Variants in SKAP1 observed in about 807,000 individuals in gnomAD.
The protein encoded by SKAP1 is src kinase associated phosphoprotein 1, also known as src kinase-associated phosphoprotein 1.
Under a neutral mutation model 58.5 loss-of-function variants are expected in SKAP1, and 44 were observed. The ratio of observed to expected loss-of-function variants is 0.75; its 90% confidence interval spans 0.59 to 0.97. SKAP1 has a LOEUF of 0.97. SKAP1 is among the 50% of genes least tolerant of loss of function. SKAP1 has a pLI of 0.00. For missense variants in SKAP1, 390 were observed against 435.2 expected (o/e 0.90, Z 0.92); for synonymous variants, 127 against 149.7 (o/e 0.85, Z 1.11).
rs554483954 is a variant in SKAP1 at position 48,263,571 on chromosome 17, C to T, written c.281-74071G>A. 7.2e-5 allele frequency among the ~76,000 whole-genome samples: 11 copies of T among 152,274 alleles called. 1 individual carries two copies. The South Asian group carries it at 2.1e-3, about 29-fold the overall frequency. ...ATCTATCTTCTATTCAGGGCAGACA[C>T]GTATCAAGAGGGAGCACTGACTGTA... is the stretch of plus-strand genomic sequence containing the variant. On this transcript the variant is annotated intron_variant, in intron 4 of 12. Transcript: ENST00000336915.
Position 48,238,156 on chromosome 17 carries a change from G to C in SKAP1, c.281-48656C>G, listed in dbSNP as rs933793899. 3.3e-5 allele frequency among the ~76,000 whole-genome samples: 5 copies of C among 151,908 alleles called. No individual in the cohort carries two copies. The South Asian group carries it at 1.0e-3, about 32-fold the overall frequency. Reference sequence around the variant, plus strand: ...TTACAGGCGCATGCCACCACATCCGGCTGATTTTTGTATTTTTAGTAGAGA... The same window carrying C: ...TTACAGGCGCATGCCACCACATCCGCCTGATTTTTGTATTTTTAGTAGAGA... On this transcript the variant is annotated intron_variant, in intron 4 of 12. Transcript: ENST00000336915.
chr17:48,413,231 A>G (rs922103389), intron 1 of SKAP1, among the ~76,000 whole-genome samples: 1 of 151,888 alleles, frequency 6.6e-6, no homozygotes, highest in African/African-American at 2.4e-5. Flanking sequence ...TTTGCTTTTC[A>G]GGGCTGGGCG....
intron 4 of SKAP1, among the ~76,000 whole-genome samples, chr17:48,212,556 A>T (rs1438521131): frequency 6.6e-6 from 1 of 152,230 alleles, no homozygotes; most frequent in Non-Finnish European, 1.5e-5. Context: ...GTGCTTAAAA[A>T]GATTCTGATC....
At chr17:48,323,630 G>T (rs982678492) in intron 4 of SKAP1, among the ~76,000 whole-genome samples, 3 of 152,094 alleles carry the variant, frequency 2.0e-5, no homozygotes, top group African/African-American at 7.2e-5. Flanking sequence ...CATTTGTTGA[G>T]CATTTCTATG....
intron 4 of SKAP1, among the ~76,000 whole-genome samples, chr17:48,244,427 G>A (rs537207285): frequency 9.9e-5 from 15 of 152,264 alleles, no homozygotes; most frequent in East Asian, 1.9e-4. Context: ...CTATTGAAAC[G>A]CCAGCAGATG....
chr17:48,286,065 C>A (rs1006354269), intron 4 of SKAP1, among the ~76,000 whole-genome samples: 7 of 152,182 alleles, frequency 4.6e-5, no homozygotes, highest in African/African-American at 1.7e-4. Context: ...TTTCTGATAG[C>A]AGTGACTCAG....
At chr17:48,243,720 A>ATC (rs1365001345) in intron 4 of SKAP1, among the ~76,000 whole-genome samples, 40 of 152,322 alleles carry the variant, frequency 2.6e-4, no homozygotes, top group African/African-American at 8.7e-4. Context: ...TAATATATAT[A>ATC]TAAAACAGGC....
At chr17:48,135,966 G>T (rs1038359984) in intron 12 of SKAP1, among the ~76,000 whole-genome samples, 1 of 152,064 alleles carries the variant, frequency 6.6e-6, no homozygotes, top group Non-Finnish European at 1.5e-5. Flanking sequence ...CATCCCTGTG[G>T]CAAAAATTGC....
chr17:48,434,237 G>A (rs1054891336), upstream of SKAP1, among the ~76,000 whole-genome samples: 3 of 152,198 alleles, frequency 2.0e-5, no homozygotes, highest in African/African-American at 7.2e-5. Flanking sequence ...ACTTCATTAA[G>A]AGATGTGGAA....
At chr17:48,185,446 T>A (rs1373416598) in intron 6 of SKAP1, among the ~76,000 whole-genome samples, 1 of 152,084 alleles carries the variant, frequency 6.6e-6, no homozygotes, top group African/African-American at 2.4e-5. Flanking sequence ...TATTATTAGA[T>A]GACGAGGAAG....
At chr17:48,287,487 C>T (rs1005947354) in intron 4 of SKAP1, among the ~76,000 whole-genome samples, 9 of 151,248 alleles carry the variant, frequency 6.0e-5, no homozygotes, top group Admixed American at 6.6e-5. Context: ...CCTAATAACA[C>T]GGAATAATGG....
intron 4 of SKAP1, among the ~76,000 whole-genome samples, chr17:48,201,886 TTGAG>T (rs2064732751): frequency 6.6e-6 from 1 of 152,226 alleles, no homozygotes. Flanking sequence ...GCTATAGACT[TTGAG>T]TGGCTGAGAA....
intron 2 of SKAP1, among the ~76,000 whole-genome samples, chr17:48,390,549 G>A (rs2067332187): frequency 6.6e-6 from 1 of 152,170 alleles, no homozygotes; most frequent in African/African-American, 2.4e-5. Context: ...TGATAACGAT[G>A]GCTAAAATTC....
At chr17:48,154,975 G>A (rs1382054207) in intron 11 of SKAP1, among the ~76,000 whole-genome samples, 2 of 151,344 alleles carry the variant, frequency 1.3e-5, no homozygotes, top group South Asian at 4.2e-4. Flanking sequence ...CAGGAGAACC[G>A]CTCGAACTCA....
At chr17:48,363,745 A>T in intron 3 of SKAP1, 44 bp downstream of exon 3, 1 of 1,528,900 alleles carries the variant, frequency 6.5e-7, no homozygotes, top group Non-Finnish European at 9.0e-7. Flanking sequence ...AATCCCATTT[A>T]CACATTTTTA....
Position 48,229,234 on chromosome 17 carries a change from C to T in SKAP1, c.281-39734G>A, listed in dbSNP as rs562285281. 3.3e-5 allele frequency among the ~76,000 whole-genome samples: 5 copies of T among 152,168 alleles called. No individual in the cohort carries two copies. In the East Asian group the frequency reaches 7.7e-4, roughly 23 times the overall value. The stretch of plus-strand genomic sequence containing the variant: ...ATTTTATTTATTTTTGTTTTTATTA[C>T]GTAGACTTGGAAATAAAGCAAGAGA... On this transcript the variant is annotated intron_variant, in intron 4 of 12. Coordinates refer to ENST00000336915, the MANE Select transcript of SKAP1 (RefSeq NM_003726.4).
At chr17:48,162,669 C>A in intron 10 of SKAP1, 100 bp from the exon 11 acceptor site, 1 of 778,666 alleles carries the variant, frequency 1.3e-6, no homozygotes, top group South Asian at 1.7e-5. Flanking sequence ...GATATTGCCC[C>A]TAGGAAACCT....
intron 4 of SKAP1, among the ~76,000 whole-genome samples, chr17:48,304,346 G>C (rs1032585388): frequency 6.6e-6 from 1 of 152,180 alleles, no homozygotes; most frequent in African/African-American, 2.4e-5. Context: ...TCCTTTGAAA[G>C]TTACAATAAT....
chr17:48,297,020 T>A (rs2065985751), intron 4 of SKAP1, among the ~76,000 whole-genome samples: 1 of 152,144 alleles, frequency 6.6e-6, no homozygotes, highest in African/African-American at 2.4e-5. Context: ...CTAACTCACA[T>A]ATTTCTAGAT....
Sources: allele counts gnomAD v4.1 joint callset (sites outside exome capture counted in the v4.1 genomes callset), GRCh38; gene constraint gnomAD v4.1.1; transcripts MANE v1.5; gene names NCBI Gene and HGNC (gene_info 2026-07-23, HGNC 2026-07-21).